DMKN: variants seen among roughly 807,000 people sequenced by gnomAD.
DMKN encodes epidermis-specific secreted protein SK30/SK89.
In DMKN, 58 loss-of-function variants were observed where a neutral mutation model predicts 67.6. The observed-to-expected ratio is 0.86, with a 90% confidence interval of 0.69 to 1.07. The LOEUF (loss-of-function observed/expected upper bound fraction) is 1.07, where lower values mean the gene tolerates loss of function less well. Among genes scored for constraint, DMKN ranks in the 50% least tolerant of loss-of-function variants. DMKN has a pLI of 0.00. For synonymous variants in DMKN, 240 were observed against 232.3 expected (o/e 1.03, Z -0.30); for missense variants, 596 against 601.5 (o/e 0.99, Z 0.10).
Position 35,512,666 on chromosome 19 carries a change from A to G in DMKN, c.551T>C (p.Phe184Ser), listed in dbSNP as rs758069444. ...HGYPGNSAGS[F>S]GMNPQGAPWG... is the part of the protein sequence containing the mutation. The stretch of plus-strand genomic sequence containing the variant: ...GGGAGCTCCCTGAGGATTCATTCCA[A>G]AGCTGCCTGCTGAGTTTCCGGGGTA... Residue 184 changes from phenylalanine (F) to serine (S), a missense_variant, in exon 2 of 16, where the codon TTT (phenylalanine) becomes TCT (serine). Phe to Ser is a radical substitution (Grantham distance 155). Transcript: ENST00000339686. 8 of 1,614,174 alleles carry G rather than the reference A, an allele frequency of 5.0e-6. No homozygotes were observed. The South Asian group carries it at 8.8e-5, about 18-fold the overall frequency.
chr19:35,500,769 G>A (rs111670139), intron 11 of DMKN, among the ~76,000 whole-genome samples, 189 bp from the exon 12 acceptor site: 1,528 of 152,352 alleles, frequency 0.01, 17 homozygotes, highest in Non-Finnish European at 0.016. Context: ...TTGGGAGCCA[G>A]GGAGAGAACC....
chr19:35,502,289 G>T, intron 10 of DMKN, 106 bp from the exon 11 acceptor site: 1 of 1,124,092 alleles, frequency 8.9e-7, no homozygotes, highest in Non-Finnish European at 1.3e-6. Flanking sequence ...GGAGCTTTTG[G>T]GTGTGGCTTG....
intron 9 of DMKN, among the ~76,000 whole-genome samples, chr19:35,503,985 C>CA (rs1230092673): frequency 6.6e-6 from 1 of 152,150 alleles, no homozygotes; most frequent in Admixed American, 6.5e-5. Flanking sequence ...GCTCCCTCCT[C>CA]ACTCTGGCTG....
At chr19:35,509,881 C>T (rs746064141) in intron 7 of DMKN, 30 bp downstream of exon 7, 12 of 1,613,890 alleles carry the variant, frequency 7.4e-6, no homozygotes, top group Non-Finnish European at 1.0e-5. Context: ...ACTGCAGTCC[C>T]CAGGAGACTT....
At chr19:35,509,595 G>C in intron 7 of DMKN, 4 of 299,506 alleles carry the variant, frequency 1.3e-5, no homozygotes, top group Non-Finnish European at 2.5e-5. Context: ...ATCCCCCAGA[G>C]TTCACCACAG....
At chr19:35,511,711 C>G (rs946620357) in intron 4 of DMKN, 52 bp downstream of exon 4, 1 of 1,598,642 alleles carries the variant, frequency 6.3e-7, no homozygotes, top group African/African-American at 1.3e-5. Flanking sequence ...GGGAGCAGAA[C>G]TTCTCCATTT....
intron 7 of DMKN, chr19:35,506,212 TC>T: frequency 6.7e-7 from 1 of 1,483,700 alleles, no homozygotes; most frequent in Non-Finnish European, 8.9e-7. Flanking sequence ...GGGACCGATG[TC>T]CAAGGCTTAT....
At chr19:35,509,669 T>G (rs1245357530) in intron 7 of DMKN, 8 of 492,442 alleles carry the variant, frequency 1.6e-5, no homozygotes, top group Non-Finnish European at 2.9e-5. Context: ...CCGGTTTACA[T>G]GGAATTTCTC....
At chr19:35,501,944 C>A (rs2145912607) in intron 11 of DMKN, 192 bp downstream of exon 11, 1 of 1,555,224 alleles carries the variant, frequency 6.4e-7, no homozygotes, top group Non-Finnish European at 8.7e-7. Context: ...GGCTTTTATG[C>A]TAGGGAGGTC....
chr19:35,508,361 T>C, intron 7 of DMKN: 1 of 1,179,574 alleles, frequency 8.5e-7, no homozygotes, highest in Non-Finnish European at 1.2e-6. Flanking sequence ...CTTTTGGAAC[T>C]GGTCCAAACA....
rs1174852531 is a variant in DMKN at position 35,499,823 on chromosome 19, T to C, written c.1359+135A>G. 7.1e-6 allele frequency: 6 copies of C among 849,536 alleles called. No individual in the cohort carries two copies. The African/African-American group carries it at 1.0e-4, about 14-fold the overall frequency. The allele number at this position is 849,536 out of a possible 1,614,324, so 52.6% of individuals were successfully genotyped here. ...AACCCGAGTCTCCCTTGCAAAGGGGTGGGGAGGCCTGGACTCAAAGAGAGC... is the reference window on the plus strand; with the variant it reads ...AACCCGAGTCTCCCTTGCAAAGGGGCGGGGAGGCCTGGACTCAAAGAGAGC... On this transcript the variant is annotated intron_variant, in intron 13 of 15. Coordinates refer to ENST00000339686, the MANE Select transcript of DMKN (RefSeq NM_033317.5).
chr19:35,502,561 G>A (rs1381518780), intron 10 of DMKN, among the ~76,000 whole-genome samples: 2 of 152,100 alleles, frequency 1.3e-5, no homozygotes, highest in East Asian at 1.9e-4. Context: ...AAAATTAGCC[G>A]GGCACGGTGG....
intron 13 of DMKN, 198 bp from the exon 14 acceptor site, chr19:35,499,095 C>A: frequency 1.4e-6 from 1 of 722,914 alleles, no homozygotes; most frequent in Non-Finnish European, 2.3e-6. Context: ...GCACTTGATC[C>A]AAGATGATAT....
intron 11 of DMKN, chr19:35,501,835 C>A (rs758796593): frequency 3.6e-5 from 57 of 1,575,348 alleles, no homozygotes; most frequent in Non-Finnish European, 4.5e-5. Context: ...AGCCGTGGCT[C>A]CCCTGGGTCC....
At chr19:35,507,284 A>G (rs894769754) in intron 7 of DMKN, 1 of 556,374 alleles carries the variant, frequency 1.8e-6, no homozygotes, top group East Asian at 3.0e-5. Context: ...GAATGAATGA[A>G]CCAAAGATGG....
At chr19:35,512,215 C>T (rs1362284624) in intron 3 of DMKN, among the ~76,000 whole-genome samples, 1 of 152,070 alleles carries the variant, frequency 6.6e-6, no homozygotes, top group South Asian at 2.1e-4. Flanking sequence ...CCAGGCTGGT[C>T]TTGAACTCCT....
At chr19:35,508,062 A>G (rs958136469) in intron 7 of DMKN, 6 of 1,065,174 alleles carry the variant, frequency 5.6e-6, no homozygotes, top group Non-Finnish European at 8.2e-6. Flanking sequence ...CAGACCCATC[A>G]GTACTTCCTC....
In DMKN at chr19:35,512,402, C is replaced by A; in HGVS notation, c.684+19G>T. ...GCACCCAGTGGCTTCTTCATTTGTTCCCAGCCCCTTCCTCTTACCCCTTCA... is the reference window on the plus strand; with the variant it reads ...GCACCCAGTGGCTTCTTCATTTGTTACCAGCCCCTTCCTCTTACCCCTTCA... On this transcript the variant is annotated intron_variant, in intron 3 of 15. Coordinates refer to ENST00000339686, the MANE Select transcript of DMKN (RefSeq NM_033317.5). The A allele has an allele frequency of 6.2e-7, 1 of 1,613,198 alleles. No individual in the cohort carries two copies. Among genetic ancestry groups the A allele is most frequent in the South Asian group, 1.1e-5 (1 of 90,956 alleles).
intron 7 of DMKN, chr19:35,507,562 G>A: frequency 2.0e-6 from 3 of 1,487,766 alleles, no homozygotes; most frequent in Non-Finnish European, 2.8e-6. Context: ...GGCGGGCAGG[G>A]GGACGAGAGG....
Sources: allele counts gnomAD v4.1 joint callset (sites outside exome capture counted in the v4.1 genomes callset), GRCh38; gene constraint gnomAD v4.1.1; transcripts MANE v1.5; gene names NCBI Gene and HGNC (gene_info 2026-07-23, HGNC 2026-07-21).